CC2D2B: variants seen among roughly 807,000 people sequenced by gnomAD.
CC2D2B encodes the protein coiled-coil and C2 domain containing 2B.
In CC2D2B, 128 loss-of-function variants were observed where a neutral mutation model predicts 161.2. The ratio of observed to expected loss-of-function variants is 0.79; its 90% CI spans 0.69 to 0.92. The LOEUF (loss-of-function observed/expected upper bound fraction) is 0.92, where lower values mean the gene tolerates loss of function less well. CC2D2B is among the 40% of genes least tolerant of loss of function. The probability of loss-of-function intolerance (pLI) is 0.00; values close to 1 mark genes in which losing one functional copy is unlikely to be tolerated. For synonymous variants in CC2D2B, 391 were observed against 449.8 expected, an observed-to-expected ratio of 0.87 and a Z score of 1.65; for missense variants, 1,173 against 1,375.1, an observed-to-expected ratio of 0.85 and a Z score of 2.32.
intron 15 of CC2D2B, among the ~76,000 whole-genome samples, chr10:95,971,146 T>C (rs2077113502): frequency 6.6e-6 from 1 of 152,114 alleles, no homozygotes; most frequent in South Asian, 2.1e-4. Flanking sequence ...CCTAGCACTT[T>C]GGGAGGCCAA....
chr10:95,960,415 A>G (rs1224423595), intron 11 of CC2D2B, among the ~76,000 whole-genome samples: 1 of 152,236 alleles, frequency 6.6e-6, no homozygotes, highest in Non-Finnish European at 1.5e-5. Context: ...AATATTTAAA[A>G]GGAAAAGCAT....
chr10:95,994,605 C>T (rs1438934892), intron 22 of CC2D2B, among the ~76,000 whole-genome samples: 2 of 152,268 alleles, frequency 1.3e-5, no homozygotes, highest in East Asian at 3.9e-4. Flanking sequence ...TGCTAAGTAA[C>T]GAGTGCCTTC....
intron 3 of CC2D2B, among the ~76,000 whole-genome samples, chr10:95,923,272 G>A (rs1391322357): frequency 6.6e-6 from 1 of 150,738 alleles, no homozygotes; most frequent in Non-Finnish European, 1.5e-5. Flanking sequence ...TGTGTGTGGA[G>A]ACAGGGTCTT....
At chr10:95,923,193 C>T (rs555528148) in intron 3 of CC2D2B, among the ~76,000 whole-genome samples, 20 of 152,272 alleles carry the variant, frequency 1.3e-4, no homozygotes, top group Non-Finnish European at 2.2e-4. Context: ...CTGCCCGCCT[C>T]GGCTTCCCAA....
chr10:95,926,852 G>GTGTGTC (rs1554829015), intron 5 of CC2D2B, among the ~76,000 whole-genome samples: 21 of 150,162 alleles, frequency 1.4e-4, no homozygotes, highest in African/African-American at 4.6e-4. Context: ...GTGTGTCTGT[G>GTGTGTC]TGTGTGTGTG....
Position 96,019,243 on chromosome 10 carries a change from A to G in CC2D2B, c.3671A>G (p.Tyr1224Cys). Reference protein sequence around the residue: ...AYVVTQETNEYLLWNPSTGQC... With the variant: ...AYVVTQETNECLLWNPSTGQC... ...GTAGTAACTCAAGAAACTAATGAAT[A>G]TTTGCTTTGGAATCCATCAACTGGC... The change falls in exon 31 of 35, where the codon TAT (tyrosine) becomes TGT (cysteine). Residue 1224 changes from tyrosine (Y) to cysteine (C), a missense_variant. Physicochemically the swap from Tyr to Cys is radical, Grantham distance 194. Coordinates refer to ENST00000646931, the MANE Select transcript of CC2D2B (RefSeq NM_001349008.3). 2 of 1,612,436 alleles carry G rather than the reference A, an allele frequency of 1.2e-6. No homozygotes were observed. The highest frequency in any genetic ancestry group is 2.2e-5 in the South Asian group (2 of 90,736).
chr10:95,946,763 G>C (rs191679410), intron 9 of CC2D2B, among the ~76,000 whole-genome samples: 1 of 152,020 alleles, frequency 6.6e-6, no homozygotes, highest in Non-Finnish European at 1.5e-5. Flanking sequence ...TTTAGGCACC[G>C]TACAGATGGC....
chr10:95,963,304 C>T (rs1275493875), intron 12 of CC2D2B, among the ~76,000 whole-genome samples: 2 of 152,134 alleles, frequency 1.3e-5, no homozygotes, highest in African/African-American at 2.4e-5. Context: ...TCACAACATA[C>T]CTGGTCCTTG....
At chr10:95,941,585 T>C (rs913713600) in intron 9 of CC2D2B, among the ~76,000 whole-genome samples, 12 of 151,982 alleles carry the variant, frequency 7.9e-5, no homozygotes, top group African/African-American at 2.9e-4. Flanking sequence ...ATATAAAACA[T>C]GCCTAACATC....
chr10:96,028,728 T>C (rs767284606), intron 34 of CC2D2B, among the ~76,000 whole-genome samples: 1 of 152,208 alleles, frequency 6.6e-6, no homozygotes. Context: ...GCAACCTAAG[T>C]GTCCATCAAT....
intron 25 of CC2D2B, among the ~76,000 whole-genome samples, chr10:96,005,750 G>A (rs776670344): frequency 7.9e-5 from 12 of 152,048 alleles, no homozygotes; most frequent in Admixed American, 4.6e-4. Flanking sequence ...AACTGCCTTT[G>A]GAACTGGCAG....
At chr10:96,019,570 C>A in intron 31 of CC2D2B, 132 bp from the exon 32 acceptor site, 1 of 951,030 alleles carries the variant, frequency 1.1e-6, no homozygotes, top group Non-Finnish European at 1.6e-6. Flanking sequence ...TCTTTATCTC[C>A]TGCCTCAGAA....
At chr10:95,926,404 C>T (rs2098538513) in intron 5 of CC2D2B, among the ~76,000 whole-genome samples, 1 of 151,990 alleles carries the variant, frequency 6.6e-6, no homozygotes, top group Non-Finnish European at 1.5e-5. Flanking sequence ...ATATAAGCAG[C>T]ATTGTTACAA....
chr10:95,951,979 T>C (rs1190589567), intron 10 of CC2D2B, among the ~76,000 whole-genome samples: 1 of 152,190 alleles, frequency 6.6e-6, no homozygotes, highest in East Asian at 1.9e-4. Flanking sequence ...TGCTTGGAAG[T>C]GTGCATAATC....
At chr10:95,992,471 A>C in intron 21 of CC2D2B, 56 bp from the exon 22 acceptor site, 2 of 1,176,366 alleles carry the variant, frequency 1.7e-6, no homozygotes, top group South Asian at 4.3e-5. Context: ...AAAGACTGTT[A>C]TCTTTTAAAA....
chr10:95,993,900 ATGTGTG>A (rs1270650458), intron 22 of CC2D2B, among the ~76,000 whole-genome samples: 589 of 39,960 alleles, frequency 0.015, 8 homozygotes, highest in Middle Eastern at 0.032. Context: ...GAGAGAGAGA[ATGTGTG>A]TGTGTGTGTG....
chr10:96,022,286 C>T lies in CC2D2B; in HGVS notation c.3888+2462C>T, dbSNP rs1424783940. ...GCAGTGAGCTGAAATTGCACCACTGCACTCCAGTCTGGGCAACAGAATGAG... is the reference window on the plus strand; with the variant it reads ...GCAGTGAGCTGAAATTGCACCACTGTACTCCAGTCTGGGCAACAGAATGAG... On this transcript the variant is annotated intron_variant, in intron 32 of 34. Coordinates refer to ENST00000646931, the MANE Select transcript of CC2D2B (RefSeq NM_001349008.3). 3.3e-5 allele frequency among the ~76,000 whole-genome samples: 5 copies of T among 152,126 alleles called. No homozygotes were observed. In the South Asian group the frequency reaches 1.0e-3, roughly 32 times the overall value.
intron 10 of CC2D2B, among the ~76,000 whole-genome samples, chr10:95,953,880 G>A (rs979390458): frequency 2.6e-5 from 4 of 152,296 alleles, no homozygotes; most frequent in East Asian, 1.9e-4. Flanking sequence ...AATATGCAGC[G>A]TAGTGTCTCA....
At chr10:96,012,393 A>G (rs1422925426) in intron 27 of CC2D2B, 26 bp downstream of exon 27, 1 of 684,638 alleles carries the variant, frequency 1.5e-6, no homozygotes, top group Non-Finnish European at 2.6e-6. Context: ...AATTTCTTTT[A>G]TATATACCAT....
Sources: gnomAD v4.1 joint callset for allele counts (sites outside exome capture counted in the v4.1 genomes callset) on GRCh38, gnomAD v4.1.1 for gene constraint, MANE v1.5 for transcripts, NCBI Gene and HGNC (gene_info 2026-07-23, HGNC 2026-07-21) for gene names.